Variants in SEZ6L observed in about 807,000 individuals in gnomAD.
SEZ6L encodes the protein seizure related 6 homolog like, also known as seizure 6-like protein.
Under a neutral mutation model 106.2 loss-of-function variants are expected in SEZ6L, and 37 were observed. The ratio of observed to expected loss-of-function variants is 0.35; its 90% confidence interval spans 0.27 to 0.46. The LOEUF (loss-of-function observed/expected upper bound fraction) is 0.46, where lower values mean the gene tolerates loss of function less well. Ranked by LOEUF, SEZ6L falls within the 20% of genes least tolerant of loss-of-function variation. The pLI, the probability that SEZ6L is intolerant of heterozygous loss-of-function variation, is 1.00. For missense variants in SEZ6L, 1,172 were observed against 1,332.8 expected (o/e 0.88, Z 1.88); for synonymous variants, 541 against 570.4 (o/e 0.95, Z 0.73).
intron 1 of SEZ6L, among the ~76,000 whole-genome samples, chr22:26,202,410 T>C (rs7288552): frequency 0.012 from 1,837 of 152,194 alleles, 17 homozygotes; most frequent in Non-Finnish European, 0.018. Context: ...TTCTCATGGG[T>C]CTTCATAAAT....
intron 1 of SEZ6L, among the ~76,000 whole-genome samples, chr22:26,269,518 T>C (rs2145835940): frequency 6.6e-6 from 1 of 152,284 alleles, no homozygotes; most frequent in South Asian, 2.1e-4. Flanking sequence ...ATTTATTGCA[T>C]TTTCTGTGTC....
chr22:26,288,644 A>G (rs2081011210), intron 1 of SEZ6L, among the ~76,000 whole-genome samples: 1 of 152,236 alleles, frequency 6.6e-6, no homozygotes, highest in Non-Finnish European at 1.5e-5. Flanking sequence ...ATAAAATAGG[A>G]ACAATAATTT....
chr22:26,374,730 C>T (rs1215067310), intron 14 of SEZ6L, among the ~76,000 whole-genome samples: 1 of 152,176 alleles, frequency 6.6e-6, no homozygotes, highest in Non-Finnish European at 1.5e-5. Context: ...TGGAGAATGG[C>T]AGAGGAAACC....
chr22:26,312,506 G>A (rs931743353), intron 8 of SEZ6L, among the ~76,000 whole-genome samples: 2 of 152,080 alleles, frequency 1.3e-5, no homozygotes, highest in Admixed American at 6.5e-5. Flanking sequence ...TGGAACTCAT[G>A]TCTCTTTGTT....
rs145165964 is a variant in SEZ6L at position 26,251,196 on chromosome 22, G to C, written c.95-41210G>C. ...GCACTGTGTTTAATAGGAGTGGTGA[G>C]AGTAGGCAGCCTTGTCTTGTTCTAG... On this transcript the variant is annotated intron_variant, in intron 1 of 16. Coordinates refer to ENST00000248933, the MANE Select transcript of SEZ6L (RefSeq NM_021115.5). Among the ~76,000 whole-genome samples the C allele has an allele frequency of 3.2e-3, 489 of 152,296 alleles. 1 individual carries two copies. The highest frequency in any genetic ancestry group is 0.011 in the African/African-American group (442 of 41,548).
chr22:26,328,545 G>A (rs536371155), intron 9 of SEZ6L, among the ~76,000 whole-genome samples: 16 of 152,206 alleles, frequency 1.1e-4, no homozygotes, highest in South Asian at 6.2e-4. Flanking sequence ...CAAAGCAGCC[G>A]GGGAGCTGTT....
intron 1 of SEZ6L, among the ~76,000 whole-genome samples, chr22:26,192,201 T>C (rs768833159): frequency 1.9e-4 from 29 of 152,196 alleles, no homozygotes; most frequent in African/African-American, 6.8e-4. Flanking sequence ...TGTTGATGAA[T>C]CCATTCCTTC....
intron 1 of SEZ6L, among the ~76,000 whole-genome samples, chr22:26,182,260 A>C (rs1601964088): frequency 6.6e-6 from 1 of 152,248 alleles, no homozygotes; most frequent in South Asian, 2.1e-4. Flanking sequence ...CCTCACGTCT[A>C]GGTCACCAAT....
At chr22:26,212,617 T>C (rs184554255) in intron 1 of SEZ6L, among the ~76,000 whole-genome samples, 2 of 152,146 alleles carry the variant, frequency 1.3e-5, no homozygotes, top group East Asian at 3.9e-4. Context: ...GAAATAGGGT[T>C]TCACTGTGCT....
At chr22:26,312,054 CCA>C (rs1389121264) in intron 8 of SEZ6L, 92 bp downstream of exon 8, 19 of 1,267,768 alleles carry the variant, frequency 1.5e-5, no homozygotes, top group Middle Eastern at 5.6e-4. Flanking sequence ...AGGCCTGTCC[CCA>C]GTTTTCATAC....
chr22:26,352,775 C>A (rs1236923684), intron 12 of SEZ6L, among the ~76,000 whole-genome samples: 1 of 152,176 alleles, frequency 6.6e-6, no homozygotes, highest in Non-Finnish European at 1.5e-5. Flanking sequence ...GGCAGGAAAA[C>A]AAAAATGGAG....
At position 26,381,709 on chromosome 22, in the gene SEZ6L, G is replaced by A. The variant is rs1361283991; in HGVS notation, c.*1414G>A. The A allele has an allele frequency of 1.0e-5, 2 of 193,276 alleles. No individual in the cohort carries two copies. The highest frequency in any genetic ancestry group is 4.6e-5 in the African/African-American group (2 of 43,052). The allele number at this position is 193,276 out of a possible 1,614,324, so 12.0% of individuals were successfully genotyped here. A position where few individuals can be genotyped will look rare whatever the true frequency, so the allele number is the denominator to read the frequency against. On this transcript the variant is annotated 3_prime_UTR_variant, in exon 17 of 17. Coordinates refer to ENST00000248933, the MANE Select transcript of SEZ6L (RefSeq NM_021115.5). Reference sequence around the variant, plus strand: ...TGGGAAGATTCTTTTCTAAATACAGGTATAAAGAGAAGGTGGAGGGTGCGG... The same window carrying A: ...TGGGAAGATTCTTTTCTAAATACAGATATAAAGAGAAGGTGGAGGGTGCGG...
At chr22:26,217,000 C>G (rs565632627) in intron 1 of SEZ6L, among the ~76,000 whole-genome samples, 3 of 152,252 alleles carry the variant, frequency 2.0e-5, no homozygotes, top group East Asian at 3.9e-4. Context: ...TCTCCTGCAC[C>G]CCTGAGGATT....
chr22:26,380,155 A>G lies in SEZ6L; in HGVS notation c.3046-111A>G, dbSNP rs2084368370. On this transcript the variant is annotated intron_variant, in intron 16 of 16. Transcript: ENST00000248933. ...CAGGGTCAGAGTGGGAGGGCACTGA[A>G]AAGTCACGACCAAGGGCATGGACAT... 20 of 1,008,012 alleles carry G rather than the reference A, an allele frequency of 2.0e-5. No individual in the cohort carries two copies. The South Asian group carries it at 3.0e-4, about 15-fold the overall frequency. 62.4% of individuals were successfully genotyped at this position (1,008,012 alleles called of 1,614,324 possible).
At chr22:26,241,066 C>T (rs12157433) in intron 1 of SEZ6L, among the ~76,000 whole-genome samples, 3,510 of 152,198 alleles carry the variant, frequency 0.023, 142 homozygotes, top group African/African-American at 0.08. Context: ...GGCAGGGGAA[C>T]GGCCCTGTTC....
chr22:26,350,180 ATG>A (rs990711417), intron 11 of SEZ6L, among the ~76,000 whole-genome samples: 12 of 147,334 alleles, frequency 8.1e-5, no homozygotes, highest in South Asian at 2.2e-4. Context: ...ATTCATATAT[ATG>A]TGTGTGTGTG....
At chr22:26,172,650 G>A (rs1188957692) in intron 1 of SEZ6L, among the ~76,000 whole-genome samples, 1 of 152,162 alleles carries the variant, frequency 6.6e-6, no homozygotes, top group Admixed American at 6.5e-5. Context: ...GAACAACCAG[G>A]TGTGTGCAAC....
chr22:26,338,389 GTTTTC>G (rs2082710611), intron 9 of SEZ6L, among the ~76,000 whole-genome samples: 1 of 151,512 alleles, frequency 6.6e-6, no homozygotes, highest in African/African-American at 2.4e-5. Context: ...ATCATTCATT[GTTTTC>G]TTTTGTTTTG....
chr22:26,201,583 A>G (rs1569373594), intron 1 of SEZ6L, among the ~76,000 whole-genome samples: 1 of 151,892 alleles, frequency 6.6e-6, no homozygotes, highest in Non-Finnish European at 1.5e-5. Context: ...TAAAAATAAA[A>G]TAAAATAAAA....
Sources: gnomAD v4.1 joint callset for allele counts (sites outside exome capture counted in the v4.1 genomes callset) on GRCh38, gnomAD v4.1.1 for gene constraint, MANE v1.5 for transcripts, NCBI Gene and HGNC (gene_info 2026-07-23, HGNC 2026-07-21) for gene names.